NIN: variants seen among roughly 807,000 people sequenced by gnomAD.
NIN encodes glycogen synthase kinase 3 beta-interacting protein.
Under a neutral mutation model 257.6 loss-of-function variants are expected in NIN, and 137 were observed. The ratio of observed to expected loss-of-function variants is 0.53; its 90% confidence interval spans 0.46 to 0.61. The LOEUF (loss-of-function observed/expected upper bound fraction) is 0.61. Among genes scored for constraint, NIN ranks in the 20% least tolerant of loss-of-function variants. The pLI, the probability that NIN is intolerant of heterozygous loss-of-function variation, is 0.00. For synonymous variants in NIN, 918 were observed against 919.8 expected, an observed-to-expected ratio of 1.00 and a Z score of 0.04; for missense variants, 2,439 against 2,501.2, an observed-to-expected ratio of 0.98 and a Z score of 0.53.
At chr14:50,741,848 C>G in intron 24 of NIN, 120 bp from the exon 25 acceptor site, 2 of 1,165,572 alleles carry the variant, frequency 1.7e-6, no homozygotes, top group South Asian at 3.2e-5. Flanking sequence ...TTTACTAAAT[C>G]CAGCTTTCTT....
rs1221038126 is a variant in NIN, at chr14:50,758,425, A to G, written c.2605T>C (p.Cys869Arg). The G allele has an allele frequency of 4.3e-6, 7 of 1,613,534 alleles. No homozygotes were observed. The highest frequency in any genetic ancestry group is 1.3e-5 in the African/African-American group (1 of 74,800). ...TTCAGCAGCTCCTGGGCTTCCGCAC[A>G]CTCCTGGGTGAGCTCGTCCTTCTCA... ...EFEKDELTQE[C>R]AEAQELLKET... is the part of the protein sequence containing the mutation. Residue 869 changes from cysteine (C) to arginine (R), a missense_variant, in exon 18 of 31, where the codon TGT becomes CGT. Physicochemically the swap from Cys to Arg is radical, Grantham distance 180 (BLOSUM62 -3). Around this residue, in one of 3 missense-constraint regions of NIN, gnomAD observed 2,043 missense variants for 2,050.2 expected, o/e 1.00. Coordinates refer to ENST00000530997, the MANE Select transcript of NIN (RefSeq NM_020921.4).
Position 50,757,183 on chromosome 14 carries a change from GTTCT to G in NIN, c.3843_3846del (p.Lys1281AsnfsTer13), listed in dbSNP as rs759858951. 9.3e-6 allele frequency: 15 copies of G among 1,613,404 alleles called. No homozygotes were observed. Among genetic ancestry groups the G allele is most frequent in the South Asian group, 2.2e-5 (2 of 90,934 alleles). On this transcript the variant is annotated frameshift_variant, in exon 18 of 31. Coordinates refer to ENST00000530997, the MANE Select transcript of NIN (RefSeq NM_020921.4). LOFTEE classifies it high-confidence loss of function. ...TGCAACCTGAAAACCTCTGCAGTGAGTTCTTTGTTATTTTCTAGTGCCTCATCGT... is the reference window on the plus strand; with the variant it reads ...TGCAACCTGAAAACCTCTGCAGTGAGTTGTTATTTTCTAGTGCCTCATCGT...
intron 3 of NIN, among the ~76,000 whole-genome samples, chr14:50,816,359 TA>T (rs1300359219): frequency 1.3e-5 from 2 of 152,146 alleles, no homozygotes; most frequent in East Asian, 3.9e-4. Context: ...CCCCAGAGTT[TA>T]AAATCAAAGT....
chr14:50,727,630 G>A, intron 29 of NIN: 1 of 1,443,938 alleles, frequency 6.9e-7, no homozygotes, highest in Non-Finnish European at 9.4e-7. Context: ...GTGTGTGCAT[G>A]GGTGGGTGTG....
chr14:50,794,380 G>T, intron 4 of NIN: 2 of 367,398 alleles, frequency 5.4e-6, no homozygotes, highest in Non-Finnish European at 7.6e-6. Flanking sequence ...TCTCTTACAG[G>T]AAGTGTTTAA....
chr14:50,800,151 C>G (rs924277005), intron 4 of NIN, among the ~76,000 whole-genome samples: 6 of 151,910 alleles, frequency 3.9e-5, no homozygotes, highest in African/African-American at 1.2e-4. Context: ...TTTTAAGTTG[C>G]CTTTTACCCT....
chr14:50,741,013 T>C (rs1170189266), intron 25 of NIN, among the ~76,000 whole-genome samples: 2 of 152,234 alleles, frequency 1.3e-5, no homozygotes, highest in Non-Finnish European at 2.9e-5. Context: ...TCCTGGACTT[T>C]CTGGTGCCAT....
At chr14:50,759,628 G>A (rs1348473680) in intron 17 of NIN, among the ~76,000 whole-genome samples, 1 of 152,060 alleles carries the variant, frequency 6.6e-6, no homozygotes, top group Non-Finnish European at 1.5e-5. Flanking sequence ...AGAGTAGCTG[G>A]GACTACAGGC....
At chr14:50,736,563 T>C (rs905213105) in intron 27 of NIN, among the ~76,000 whole-genome samples, 1 of 152,180 alleles carries the variant, frequency 6.6e-6, no homozygotes. Flanking sequence ...CAAAAAGAGC[T>C]GAGGAGAACA....
Position 50,729,589 on chromosome 14 carries a change from T to G in NIN, c.6012A>C (p.Ala2004=), listed in dbSNP as rs772045186. ...FLQLQRQLLQ[A]ERINQHLQEE... is the part of the protein sequence containing the mutation. ...CCTGCAGGTGCTGGTTTATCCTTTC[T>G]GCCTGCAGCAGCTGGCGTTGAAGCT... Residue 2004 remains alanine, a synonymous_variant, in exon 29 of 31, where the codon GCA becomes GCC. Coordinates refer to ENST00000530997, the MANE Select transcript of NIN (RefSeq NM_020921.4). 1 of 1,614,154 alleles carries G rather than the reference T, an allele frequency of 6.2e-7. No homozygotes were observed.
At position 50,723,490 on chromosome 14, in the gene NIN, C is replaced by T; in HGVS notation, c.6375G>A (p.Leu2125=). The T allele has an allele frequency of 6.2e-7, 1 of 1,612,938 alleles. No individual in the cohort carries two copies. The highest frequency in any genetic ancestry group is 1.1e-5 in the South Asian group (1 of 91,004). ...ATGACCTCAAAGGAGGTGTAGAAGT[C>T]AATGGCGCTGGTGTCAGATTCCTAA... ...NIVRNLTPAP[L]TSTPPLRS The change falls in exon 31 of 31, where the codon TTG becomes TTA. Residue 2125 remains leucine (L), a synonymous_variant. Coordinates refer to ENST00000530997, the MANE Select transcript of NIN (RefSeq NM_020921.4).
At chr14:50,756,367 C>G in intron 18 of NIN, 125 bp downstream of exon 18, 2 of 997,958 alleles carry the variant, frequency 2.0e-6, no homozygotes, top group South Asian at 3.3e-5. Flanking sequence ...AGAAGGAAGT[C>G]TAGAGAGTAC....
chr14:50,765,932 C>A (rs138485872), intron 14 of NIN, among the ~76,000 whole-genome samples: 36 of 151,548 alleles, frequency 2.4e-4, no homozygotes, highest in African/African-American at 8.2e-4. Flanking sequence ...ATGCGCCATG[C>A]TGGTGCGCTG....
intron 7 of NIN, among the ~76,000 whole-genome samples, chr14:50,775,121 A>G (rs1249136869): frequency 6.6e-6 from 1 of 152,224 alleles, no homozygotes; most frequent in Admixed American, 6.5e-5. Context: ...ACAGGAGTGC[A>G]TGTCCTCTCC....
At chr14:50,763,731 TTTTCAAG>T in intron 15 of NIN, 88 bp downstream of exon 15, 2 of 1,134,504 alleles carry the variant, frequency 1.8e-6, no homozygotes, top group Non-Finnish European at 2.5e-6. Flanking sequence ...TTTTTTTCTT[TTTTCAAG>T]TTGCCAAAGC....
chr14:50,773,929 C>T (rs958718386), intron 7 of NIN, among the ~76,000 whole-genome samples: 1 of 152,182 alleles, frequency 6.6e-6, no homozygotes, highest in Non-Finnish European at 1.5e-5. Flanking sequence ...ATTGAAGCCA[C>T]AGAACGAGGA....
intron 5 of NIN, among the ~76,000 whole-genome samples, chr14:50,781,829 A>G (rs1241628663): frequency 1.3e-5 from 2 of 152,250 alleles, no homozygotes; most frequent in African/African-American, 4.8e-5. Flanking sequence ...TTTATTGGAC[A>G]TATGTTTACA....
intron 24 of NIN, chr14:50,742,532 T>G (rs1401819186): frequency 1.3e-5 from 2 of 152,382 alleles, no homozygotes; most frequent in East Asian, 3.9e-4. Flanking sequence ...TAGCTGGGAC[T>G]ACAAGCACTT....
rs368420669 is a variant in NIN, at chr14:50,743,503, A to G, written c.5214T>C (p.His1738=). 32 of 1,613,370 alleles carry G rather than the reference A, an allele frequency of 2.0e-5. No homozygotes were observed. The highest frequency in any genetic ancestry group is 1.3e-5 in the African/African-American group (1 of 74,916). The change falls in exon 24 of 31, where the codon CAT becomes CAC. Residue 1738 remains histidine (H), a synonymous_variant. Coordinates refer to ENST00000530997, the MANE Select transcript of NIN (RefSeq NM_020921.4). ...DKLAKSSLLE[H]RIATMKQEQK... ...GTTCCTGCTTCATCGTCGCAATTCT[A>G]TGCTCTAAAAGACTTGATTTTGCCA...
Sources: gnomAD v4.1 joint callset for allele counts (sites outside exome capture counted in the v4.1 genomes callset) on GRCh38, gnomAD v4.1.1 for gene constraint, gnomAD v4.1.1 regional missense constraint, MANE v1.5 for transcripts, NCBI Gene and HGNC (gene_info 2026-07-23, HGNC 2026-07-21) for gene names.